The following SPATA16 variants were observed in gnomAD, a reference collection of about 807,000 sequenced individuals.
The protein encoded by SPATA16 is spermatogenesis associated 16, also known as spermatogenesis-associated protein 16.
SPATA16 carries 36 observed loss-of-function variants against 63.3 expected under a neutral mutation model. The ratio of observed to expected loss-of-function variants is 0.57; its 90% CI spans 0.44 to 0.75. The LOEUF (loss-of-function observed/expected upper bound fraction) is 0.75, where lower values mean the gene tolerates loss of function less well. Among genes scored for constraint, SPATA16 ranks in the 30% least tolerant of loss-of-function variants. The pLI, the probability that SPATA16 is intolerant of heterozygous loss-of-function variation, is 0.00. For missense variants in SPATA16, 646 were observed against 679.3 expected (o/e 0.95, Z 0.54); for synonymous variants, 203 against 216.7 (o/e 0.94, Z 0.56).
intron 3 of SPATA16, among the ~76,000 whole-genome samples, chr3:173,042,676 A>G (rs34012184): frequency 0.16 from 24,122 of 152,148 alleles, 1,989 homozygotes; most frequent in African/African-American, 0.17. Flanking sequence ...TATTTAAAGA[A>G]GAGAAAACAG....
At chr3:172,983,678 A>G (rs1734373945) in intron 4 of SPATA16, among the ~76,000 whole-genome samples, 2 of 152,058 alleles carry the variant, frequency 1.3e-5, no homozygotes, top group Non-Finnish European at 2.9e-5. Context: ...ACACACTAAT[A>G]TTAAAGATGA....
intron 4 of SPATA16, among the ~76,000 whole-genome samples, chr3:173,010,634 G>A (rs1735050101): frequency 1.3e-5 from 2 of 152,148 alleles, no homozygotes; most frequent in Non-Finnish European, 2.9e-5. Context: ...CAGACAGACA[G>A]CCAGACTGCT....
At chr3:173,102,571 C>T (rs1027286390) in intron 2 of SPATA16, among the ~76,000 whole-genome samples, 3 of 152,146 alleles carry the variant, frequency 2.0e-5, no homozygotes, top group African/African-American at 7.2e-5. Context: ...AACGAGATCT[C>T]ATGAGAACTC....
intron 2 of SPATA16, among the ~76,000 whole-genome samples, chr3:173,106,145 T>A (rs974728736): frequency 9.9e-5 from 15 of 152,164 alleles, no homozygotes; most frequent in African/African-American, 3.4e-4. Flanking sequence ...ACTTCATCAT[T>A]CCCCATGTTG....
At chr3:172,986,421 A>C (rs1205222498) in intron 4 of SPATA16, among the ~76,000 whole-genome samples, 1 of 152,188 alleles carries the variant, frequency 6.6e-6, no homozygotes, top group Non-Finnish European at 1.5e-5. Context: ...TGAGGGAGGA[A>C]ATATAATTAT....
chr3:173,123,179 A>C (rs1738129121), intron 1 of SPATA16, among the ~76,000 whole-genome samples: 1 of 152,230 alleles, frequency 6.6e-6, no homozygotes, highest in Admixed American at 6.5e-5. Context: ...TTATATACAT[A>C]ATAATAACAA....
intron 6 of SPATA16, among the ~76,000 whole-genome samples, chr3:172,938,878 AAGG>A (rs1437703630): frequency 7.9e-6 from 1 of 127,224 alleles, no homozygotes; most frequent in Non-Finnish European, 1.6e-5. Context: ...ACCTCAGATA[AAGG>A]AGAACTGAGG....
chr3:172,951,961 T>C (rs1044678482), intron 6 of SPATA16, among the ~76,000 whole-genome samples: 1 of 152,210 alleles, frequency 6.6e-6, no homozygotes, highest in Non-Finnish European at 1.5e-5. Flanking sequence ...TTAGATGACT[T>C]CTATAATTTA....
chr3:172,979,310 A>G (rs1021937545), intron 4 of SPATA16, among the ~76,000 whole-genome samples: 1 of 152,210 alleles, frequency 6.6e-6, no homozygotes, highest in Non-Finnish European at 1.5e-5. Flanking sequence ...GGATATTTCA[A>G]TCTGCTATTT....
intron 6 of SPATA16, among the ~76,000 whole-genome samples, chr3:172,937,656 C>T (rs566220652): frequency 3.6e-4 from 54 of 152,042 alleles, no homozygotes; most frequent in Admixed American, 1.1e-3. Context: ...TGGGCAAAAC[C>T]GAGAAACTAC....
At chr3:172,930,028 C>T (rs950389618) in intron 6 of SPATA16, among the ~76,000 whole-genome samples, 3 of 152,328 alleles carry the variant, frequency 2.0e-5, no homozygotes, top group African/African-American at 7.2e-5. Context: ...ATTAAACCTG[C>T]ACATTGCAAT....
At chr3:173,047,026 C>T (rs554288876) in intron 3 of SPATA16, among the ~76,000 whole-genome samples, 1 of 151,928 alleles carries the variant, frequency 6.6e-6, no homozygotes, top group South Asian at 2.1e-4. Flanking sequence ...CACTGTTGTA[C>T]ACATTAAATT....
intron 2 of SPATA16, among the ~76,000 whole-genome samples, chr3:173,079,807 T>A (rs189730318): frequency 1.1e-3 from 163 of 152,308 alleles, no homozygotes; most frequent in South Asian, 1.7e-3. Flanking sequence ...TGATAAAATG[T>A]TATAAATTTC....
At chr3:172,903,643 G>A (rs1210863640) in intron 10 of SPATA16, among the ~76,000 whole-genome samples, 3 of 152,232 alleles carry the variant, frequency 2.0e-5, no homozygotes, top group Non-Finnish European at 4.4e-5. Flanking sequence ...CTGCAGAAAT[G>A]TCTAGATTTC....
intron 4 of SPATA16, 149 bp from the exon 5 acceptor site, chr3:172,977,201 A>G (rs1339611175): frequency 4.3e-6 from 3 of 702,470 alleles, no homozygotes; most frequent in Non-Finnish European, 7.2e-6. Flanking sequence ...CACAAAGCAC[A>G]TTTTAGAGTG....
At chr3:173,041,604 T>C (rs965883827) in intron 3 of SPATA16, among the ~76,000 whole-genome samples, 1 of 152,138 alleles carries the variant, frequency 6.6e-6, no homozygotes, top group African/African-American at 2.4e-5. Context: ...CTTAGTAGCC[T>C]ATATATTTGT....
At chr3:172,899,893 A>G (rs6777468) in intron 10 of SPATA16, among the ~76,000 whole-genome samples, 2,926 of 152,172 alleles carry the variant, frequency 0.019, 29 homozygotes, top group Middle Eastern at 0.058. Flanking sequence ...ACCCTCTCCC[A>G]TTTTTAATTA....
intron 5 of SPATA16, among the ~76,000 whole-genome samples, chr3:172,963,760 A>G (rs1733842893): frequency 6.6e-6 from 1 of 152,154 alleles, no homozygotes; most frequent in Non-Finnish European, 1.5e-5. Context: ...GATCTAAAAT[A>G]TTATTTTATA....
intron 3 of SPATA16, among the ~76,000 whole-genome samples, chr3:173,039,880 T>C (rs1389281955): frequency 4.6e-5 from 7 of 152,108 alleles, no homozygotes; most frequent in Non-Finnish European, 1.0e-4. Flanking sequence ...CATATGCATT[T>C]AAAAGGTGGT....
Sources: allele counts gnomAD v4.1 joint callset (sites outside exome capture counted in the v4.1 genomes callset), GRCh38; gene constraint gnomAD v4.1.1; transcripts MANE v1.5; gene names NCBI Gene and HGNC (gene_info 2026-07-23, HGNC 2026-07-21).